The following RGPD2 variants were observed in gnomAD, a reference collection of about 807,000 sequenced individuals.
The protein encoded by RGPD2 is RANBP2 like and GRIP domain containing 2, also known as RANBP2-like and GRIP domain-containing protein 2.
Under a neutral mutation model 36.0 loss-of-function variants are expected in RGPD2, and 2 were observed. The ratio of observed to expected loss-of-function variants is 0.06; its 90% CI spans 0.02 to 0.17. The LOEUF (loss-of-function observed/expected upper bound fraction) is 0.17. RGPD2 is among the 10% of genes least tolerant of loss of function. The pLI, the probability that RGPD2 is intolerant of heterozygous loss-of-function variation, is 1.00. For synonymous variants in RGPD2, 19 were observed against 163.8 expected, an observed-to-expected ratio of 0.12 and a Z score of 6.75; for missense variants, 40 against 464.3, an observed-to-expected ratio of 0.09 and a Z score of 8.40.
the RGPD2 span, among the ~76,000 whole-genome samples, chr2:87,947,361 T>C: frequency 1.4e-4 from 22 of 152,280 alleles, no homozygotes; most frequent in Admixed American, 6.5e-4. Flanking sequence ...AGAGTGTCTA[T>C]ACTATTAGTG....
chr2:87,859,592 C>A, the RGPD2 span, among the ~76,000 whole-genome samples: 1 of 152,206 alleles, frequency 6.6e-6, no homozygotes, highest in East Asian at 1.9e-4. Context: ...ATAATCAGAA[C>A]TTTCTGTCAT....
At chr2:87,769,834 T>C (rs1262071933) in intron 22 of RGPD2, among the ~76,000 whole-genome samples, 4 of 151,868 alleles carry the variant, frequency 2.6e-5, no homozygotes. Flanking sequence ...ATTTCTTCTT[T>C]TTTATAACTA....
chr2:87,988,704 C>T, the RGPD2 span, among the ~76,000 whole-genome samples: 5 of 151,280 alleles, frequency 3.3e-5, no homozygotes, highest in African/African-American at 4.9e-5. Flanking sequence ...CCACACCCCG[C>T]TGATTTTTGT....
At chr2:87,881,010 G>A in the RGPD2 span, among the ~76,000 whole-genome samples, 3 of 150,068 alleles carry the variant, frequency 2.0e-5, no homozygotes, top group African/African-American at 7.4e-5. Flanking sequence ...ATCAAACAGG[G>A]CCGTAATTAA....
At chr2:87,875,876 G>C in the RGPD2 span, among the ~76,000 whole-genome samples, 1 of 152,118 alleles carries the variant, frequency 6.6e-6, no homozygotes, top group African/African-American at 2.4e-5. Flanking sequence ...CTATTTATTA[G>C]TGGCTTTATT....
chr2:87,986,541 G>A, the RGPD2 span, among the ~76,000 whole-genome samples: 2 of 151,906 alleles, frequency 1.3e-5, no homozygotes, highest in Non-Finnish European at 1.5e-5. Flanking sequence ...ATTACTAACT[G>A]CTCCCCTTCA....
the RGPD2 span, among the ~76,000 whole-genome samples, chr2:87,853,055 G>T: frequency 6.6e-6 from 1 of 152,198 alleles, no homozygotes; most frequent in Non-Finnish European, 1.5e-5. Flanking sequence ...TTAATGACCT[G>T]CTCGGTAAGT....
At chr2:87,878,965 C>G in the RGPD2 span, among the ~76,000 whole-genome samples, 1 of 151,904 alleles carries the variant, frequency 6.6e-6, no homozygotes, top group Non-Finnish European at 1.5e-5. Flanking sequence ...AGTACTTTAC[C>G]TTTTAAAATG....
chr2:87,813,100 C>A (rs1399928125), intron 4 of RGPD2, among the ~76,000 whole-genome samples: 1 of 152,224 alleles, frequency 6.6e-6, no homozygotes, highest in African/African-American at 2.4e-5. Context: ...CCCTTCAAGA[C>A]AATAACATCA....
the RGPD2 span, among the ~76,000 whole-genome samples, chr2:87,915,318 A>C: frequency 8.3e-6 from 1 of 120,202 alleles, no homozygotes; most frequent in Non-Finnish European, 1.7e-5. Context: ...ATATATATGT[A>C]TATTATATAT....
the RGPD2 span, among the ~76,000 whole-genome samples, chr2:87,867,312 A>G: frequency 6.6e-6 from 1 of 151,750 alleles, no homozygotes; most frequent in South Asian, 2.1e-4. Context: ...TCATATATAG[A>G]TAAGGCCTAG....
intron 21 of RGPD2, among the ~76,000 whole-genome samples, chr2:87,773,057 G>A (rs1685175727): frequency 8.1e-6 from 1 of 122,872 alleles, no homozygotes; most frequent in Non-Finnish European, 1.7e-5. Flanking sequence ...GGGAACATCG[G>A]TAGCCTCCAC....
At chr2:87,832,165 T>A in the RGPD2 span, among the ~76,000 whole-genome samples, 1 of 149,298 alleles carries the variant, frequency 6.7e-6, no homozygotes, top group Non-Finnish European at 1.5e-5. Flanking sequence ...AATAAAAGAA[T>A]GTACAAGTAA....
the RGPD2 span, among the ~76,000 whole-genome samples, chr2:87,939,539 A>G: frequency 6.6e-6 from 1 of 152,110 alleles, no homozygotes; most frequent in East Asian, 1.9e-4. Flanking sequence ...TTGGGATTGG[A>G]AACACATGCT....
the RGPD2 span, among the ~76,000 whole-genome samples, chr2:87,857,572 G>C: frequency 6.6e-6 from 1 of 151,556 alleles, no homozygotes; most frequent in Non-Finnish European, 1.5e-5. Context: ...TCGATCTCCT[G>C]ACCTTGTGAT....
At chr2:87,781,721 C>T (rs1343936537) in intron 20 of RGPD2, among the ~76,000 whole-genome samples, 6 of 148,514 alleles carry the variant, frequency 4.0e-5, no homozygotes, top group Non-Finnish European at 8.9e-5. Context: ...CTCAACCTCC[C>T]AAAGTGCTGG....
the RGPD2 span, among the ~76,000 whole-genome samples, chr2:87,947,730 CT>C: frequency 2.0e-5 from 3 of 152,126 alleles, no homozygotes; most frequent in African/African-American, 4.8e-5. Context: ...GAGATCTTGT[CT>C]TTTTTGCCAT....
the RGPD2 span, among the ~76,000 whole-genome samples, chr2:87,885,939 G>A: frequency 6.6e-6 from 1 of 151,930 alleles, no homozygotes; most frequent in Non-Finnish European, 1.5e-5. Flanking sequence ...TTACACCACA[G>A]GACAAACAGT....
chr2:87,863,147 C>T, the RGPD2 span, among the ~76,000 whole-genome samples: 2 of 151,646 alleles, frequency 1.3e-5, no homozygotes, highest in Non-Finnish European at 2.9e-5. Flanking sequence ...CTCTGCTAGC[C>T]TAAAGGTCTT....
Sources: allele counts gnomAD v4.1 joint callset (sites outside exome capture counted in the v4.1 genomes callset), GRCh38; gene constraint gnomAD v4.1.1; transcripts MANE v1.5; gene names NCBI Gene and HGNC (gene_info 2026-07-23, HGNC 2026-07-21).